Variants in ADARB2 observed in about 807,000 individuals in gnomAD.
ADARB2 encodes inactive double-stranded RNA-specific editase B2.
In ADARB2, 25 loss-of-function variants were observed where a neutral mutation model predicts 62.2. The ratio of observed to expected loss-of-function variants is 0.40; its 90% confidence interval spans 0.29 to 0.56. ADARB2 has a LOEUF of 0.56. Among genes scored for constraint, ADARB2 ranks in the 20% least tolerant of loss-of-function variants. ADARB2 has a pLI of 0.43. For synonymous variants in ADARB2, 572 were observed against 500.8 expected (o/e 1.14, Z -1.90); for missense variants, 1,071 against 1,077.4 (o/e 0.99, Z 0.08).
intron 1 of ADARB2, among the ~76,000 whole-genome samples, chr10:1,530,107 G>T (rs1022837226): frequency 1.3e-5 from 2 of 152,106 alleles, no homozygotes; most frequent in African/African-American, 4.8e-5. Context: ...CTGCCAATGC[G>T]GGCACCCACC....
At chr10:1,559,624 G>A (rs1172192840) in intron 1 of ADARB2, among the ~76,000 whole-genome samples, 1 of 152,208 alleles carries the variant, frequency 6.6e-6, no homozygotes, top group African/African-American at 2.4e-5. Flanking sequence ...GGCCGGTGGG[G>A]GGTGGTGCTG....
intron 3 of ADARB2, among the ~76,000 whole-genome samples, chr10:1,329,055 T>G (rs1350622272): frequency 6.7e-6 from 1 of 149,664 alleles, no homozygotes; most frequent in Non-Finnish European, 1.5e-5. Flanking sequence ...TGTGCTAATT[T>G]ATGACATATC....
At chr10:1,205,541 C>A (rs7074765) in intron 7 of ADARB2, among the ~76,000 whole-genome samples, 149,606 of 151,402 alleles carry the variant, frequency 0.99, 73,939 homozygotes, top group Middle Eastern at 1. Context: ...GGAAGGGAGC[C>A]CAGTGCACAC....
chr10:1,432,223 C>A (rs1189231894), intron 1 of ADARB2, among the ~76,000 whole-genome samples: 1 of 150,864 alleles, frequency 6.6e-6, no homozygotes, highest in African/African-American at 2.5e-5. Context: ...TGAATGATAT[C>A]TTTGAATGAT....
chr10:1,701,127 A>G (rs113441615), intron 1 of ADARB2, among the ~76,000 whole-genome samples: 1 of 2,190 alleles, frequency 4.6e-4, no homozygotes, highest in African/African-American at 5.1e-4. Flanking sequence ...GAGACCGGGC[A>G]CTCGCCAATA....
chr10:1,563,626 C>CTTT (rs137871175), intron 1 of ADARB2, among the ~76,000 whole-genome samples: 6 of 149,748 alleles, frequency 4.0e-5, no homozygotes, highest in African/African-American at 1.2e-4. Context: ...TTTCATTTTA[C>CTTT]TTTTTTTTTT....
At chr10:1,377,916 C>T (rs1406128095) in intron 2 of ADARB2, among the ~76,000 whole-genome samples, 2 of 152,126 alleles carry the variant, frequency 1.3e-5, no homozygotes, top group South Asian at 2.1e-4. Flanking sequence ...GTGTTTCCCA[C>T]GCTGATGGCA....
chr10:1,413,543 G>A (rs769436537), intron 1 of ADARB2, among the ~76,000 whole-genome samples: 12 of 152,242 alleles, frequency 7.9e-5, no homozygotes, highest in East Asian at 1.9e-4. Flanking sequence ...GCACCTGCTC[G>A]GGTCTAACCA....
chr10:1,536,294 G>A (rs1431148331), intron 1 of ADARB2, among the ~76,000 whole-genome samples: 1 of 152,234 alleles, frequency 6.6e-6, no homozygotes, highest in Non-Finnish European at 1.5e-5. Context: ...CCATCTACAA[G>A]CCAGGAAGGG....
At chr10:1,212,869 A>G (rs11250339) in intron 7 of ADARB2, among the ~76,000 whole-genome samples, 3 of 70,780 alleles carry the variant, frequency 4.2e-5, no homozygotes, top group Admixed American at 2.8e-4. Context: ...CCTGAGTCCA[A>G]CCCACCGTGG....
chr10:1,222,156 T>G (rs1275837555), intron 6 of ADARB2, among the ~76,000 whole-genome samples: 1 of 152,238 alleles, frequency 6.6e-6, no homozygotes, highest in Non-Finnish European at 1.5e-5. Flanking sequence ...TTTGCATTTC[T>G]CTGATGGCCA....
chr10:1,401,652 C>G (rs1024151061), intron 1 of ADARB2, among the ~76,000 whole-genome samples: 9 of 152,330 alleles, frequency 5.9e-5, no homozygotes, highest in African/African-American at 2.2e-4. Context: ...CCCGTGTCCC[C>G]ATTTCTACCG....
chr10:1,232,571 G>C (rs1260660303), intron 6 of ADARB2, among the ~76,000 whole-genome samples: 2 of 149,658 alleles, frequency 1.3e-5, no homozygotes, highest in Non-Finnish European at 3.0e-5. Context: ...TGCTATGTGT[G>C]TGGTGTGTGG....
intron 1 of ADARB2, among the ~76,000 whole-genome samples, chr10:1,683,956 C>T (rs973674743): frequency 7.9e-5 from 12 of 152,248 alleles, no homozygotes; most frequent in African/African-American, 2.2e-4. Flanking sequence ...AGGGTGGCTC[C>T]GGTGTGCGTG....
chr10:1,182,987 G>T lies in ADARB2; in HGVS notation c.*206C>A. ...AACAGTGCATGTGCCCCTGGGTGTG[G>T]GGGACAGGGTTCTGGGGCCAGCGAT... On this transcript the variant is annotated 3_prime_UTR_variant, in exon 10 of 10. Transcript: ENST00000381312. 1 of 602,420 alleles carries T rather than the reference G, an allele frequency of 1.7e-6. No homozygotes were observed. Among genetic ancestry groups the T allele is most frequent in the Non-Finnish European group, 2.9e-6 (1 of 348,254 alleles). The allele number at this position is 602,420 out of a possible 1,614,324, so 37.3% of individuals were successfully genotyped here.
chr10:1,695,040 C>A (rs966819822), intron 1 of ADARB2, among the ~76,000 whole-genome samples: 1 of 152,100 alleles, frequency 6.6e-6, no homozygotes, highest in African/African-American at 2.4e-5. Flanking sequence ...GGGTCATGGG[C>A]CCCCCGTGCC....
intron 1 of ADARB2, among the ~76,000 whole-genome samples, chr10:1,565,344 G>A (rs768576165): frequency 2.8e-4 from 43 of 152,094 alleles, no homozygotes; most frequent in Non-Finnish European, 5.7e-4. Flanking sequence ...GATCGAATGC[G>A]TCTTCATGAA....
chr10:1,510,140 C>CTTTG (rs1458062367), intron 1 of ADARB2, among the ~76,000 whole-genome samples: 1 of 124,252 alleles, frequency 8.0e-6, no homozygotes, highest in African/African-American at 3.2e-5. Context: ...TTCTTTCTTT[C>CTTTG]TTTCTTTCTT....
intron 6 of ADARB2, among the ~76,000 whole-genome samples, chr10:1,218,773 G>A (rs1005349060): frequency 5.3e-5 from 8 of 152,150 alleles, no homozygotes; most frequent in Admixed American, 1.3e-4. Context: ...AGCCGGGCAC[G>A]GTGGCTCACG....
Sources: allele counts gnomAD v4.1 joint callset (sites outside exome capture counted in the v4.1 genomes callset), GRCh38; gene constraint gnomAD v4.1.1; transcripts MANE v1.5; gene names NCBI Gene and HGNC (gene_info 2026-07-23, HGNC 2026-07-21).